ANO6: variants seen among roughly 807,000 people sequenced by gnomAD.
ANO6 encodes the protein anoctamin 6.
In ANO6, 106 loss-of-function variants were observed where a neutral mutation model predicts 117.5. The ratio of observed to expected loss-of-function variants is 0.90; its 90% CI spans 0.77 to 1.06. The LOEUF is 1.06. ANO6 is among the 50% of genes least tolerant of loss of function. ANO6 has a pLI of 0.00. For synonymous variants in ANO6, 367 were observed against 385.1 expected (o/e 0.95, Z 0.55); for missense variants, 955 against 1,121.1 (o/e 0.85, Z 2.12).
chr12:45,251,382 T>C (rs1396213730), intron 1 of ANO6, among the ~76,000 whole-genome samples: 2 of 152,172 alleles, frequency 1.3e-5, no homozygotes, highest in African/African-American at 4.8e-5. Flanking sequence ...TATTTCATAG[T>C]TTTTGCACAG....
At chr12:45,224,725 C>T (rs940602984) in intron 1 of ANO6, among the ~76,000 whole-genome samples, 4 of 152,126 alleles carry the variant, frequency 2.6e-5, no homozygotes, top group African/African-American at 4.8e-5. Context: ...TATACACACT[C>T]GTCTTTTCTC....
Position 45,229,720 on chromosome 12 carries a change from C to T in ANO6, c.70+13329C>T, listed in dbSNP as rs141928843. Among the ~76,000 whole-genome samples, 183 of 152,196 alleles carry T rather than the reference C, an allele frequency of 1.2e-3. 1 individual carries two copies. Among genetic ancestry groups the T allele is most frequent in the African/African-American group, 4.2e-3 (175 of 41,534 alleles). On this transcript the variant is annotated intron_variant, in intron 1 of 19. Coordinates refer to ENST00000320560, the MANE Select transcript of ANO6 (RefSeq NM_001025356.3). ...AGTTTTTTTAATTCTACCTCTGTCC[C>T]ATTATTTTCATCAGACAGCTTAGCC... is the stretch of plus-strand genomic sequence containing the variant.
At chr12:45,227,114 G>A (rs184904851) in intron 1 of ANO6, among the ~76,000 whole-genome samples, 410 of 150,080 alleles carry the variant, frequency 2.7e-3, no homozygotes, top group African/African-American at 9.2e-3. Flanking sequence ...TCAGGCTCCC[G>A]AGTAACTGGG....
chr12:45,432,771 A>C (rs562629518), downstream of ANO6, among the ~76,000 whole-genome samples: 4 of 152,360 alleles, frequency 2.6e-5, no homozygotes, highest in African/African-American at 9.6e-5. Flanking sequence ...CAAAACTAGA[A>C]ACGTCTTTCT....
Position 45,216,513 on chromosome 12 carries a change from C to T in ANO6, c.70+122C>T, listed in dbSNP as rs1480904388. On this transcript the variant is annotated intron_variant, in intron 1 of 19. Transcript: ENST00000320560. ...GGTTGGCCGAGACGCTCGGCCGCTC[C>T]GGGCAGGGGAGGAAGCCCGCTGTCC... 9 of 1,141,924 alleles carry T rather than the reference C, an allele frequency of 7.9e-6. No individual in the cohort carries two copies. The Admixed American group carries it at 1.3e-4, about 17-fold the overall frequency. The allele number at this position is 1,141,924 out of a possible 1,614,324, so 70.7% of individuals were successfully genotyped here. A position where few individuals can be genotyped will look rare whatever the true frequency, so the allele number is the denominator to read the frequency against.
chr12:45,271,842 G>A (rs758963499), intron 1 of ANO6, among the ~76,000 whole-genome samples: 4 of 152,280 alleles, frequency 2.6e-5, no homozygotes, highest in South Asian at 2.1e-4. Flanking sequence ...ACTGGGCCTC[G>A]TTGTAGAGTA....
At chr12:45,216,537 C>A (rs1287716803) in intron 1 of ANO6, 146 bp downstream of exon 1, 2 of 923,652 alleles carry the variant, frequency 2.2e-6, no homozygotes, top group Non-Finnish European at 3.2e-6. Context: ...AGCCCGCTGT[C>A]CCCGGCTGCT....
intron 1 of ANO6, among the ~76,000 whole-genome samples, chr12:45,251,198 G>A (rs890220782): frequency 2.0e-5 from 3 of 152,168 alleles, no homozygotes; most frequent in African/African-American, 4.8e-5. Context: ...GTTTTAACCC[G>A]ATTACTAACT....
Position 45,390,327 on chromosome 12 carries a change from AAATT to A in ANO6, c.1309-89_1309-86del, listed in dbSNP as rs1425608382. 37 of 1,073,466 alleles carry A rather than the reference AAATT, an allele frequency of 3.4e-5. No homozygotes were observed. The Admixed American group carries it at 4.3e-4, about 13-fold the overall frequency. 66.5% of individuals were successfully genotyped at this position (1,073,466 alleles called of 1,614,324 possible). On this transcript the variant is annotated intron_variant, in intron 11 of 19. Coordinates refer to ENST00000320560, the MANE Select transcript of ANO6 (RefSeq NM_001025356.3). ...ACTATGCTTGCAAACTAATTTTTTA[AAATT>A]AATTCTAAGATTTATTGGCGAGTCA...
chr12:45,268,529 A>G (rs1410136689), intron 1 of ANO6, among the ~76,000 whole-genome samples: 4 of 152,186 alleles, frequency 2.6e-5, no homozygotes, highest in Non-Finnish European at 5.9e-5. Flanking sequence ...CAAAAATTAA[A>G]TAAATAAATA....
At chr12:45,356,216 G>C (rs1191336719) in intron 7 of ANO6, among the ~76,000 whole-genome samples, 1 of 152,168 alleles carries the variant, frequency 6.6e-6, no homozygotes, top group East Asian at 1.9e-4. Flanking sequence ...AGAAGAGCTA[G>C]CTATAAGGAA....
At chr12:45,222,426 G>A (rs1267963172) in intron 1 of ANO6, among the ~76,000 whole-genome samples, 1 of 152,120 alleles carries the variant, frequency 6.6e-6, no homozygotes, top group Non-Finnish European at 1.5e-5. Context: ...CTCCCAAAGT[G>A]CTGAGCAGGC....
intron 19 of ANO6, among the ~76,000 whole-genome samples, chr12:45,427,167 A>G (rs772158334): frequency 7.2e-5 from 11 of 152,052 alleles, no homozygotes; most frequent in South Asian, 2.1e-4. Context: ...AGCACTTCAG[A>G]CCAATTGTGC....
intron 2 of ANO6, among the ~76,000 whole-genome samples, chr12:45,315,247 A>G (rs1431898618): frequency 6.6e-6 from 1 of 152,068 alleles, no homozygotes; most frequent in African/African-American, 2.4e-5. Context: ...TTATTCATGT[A>G]ATTTCAATAG....
rs866804901 is a variant in ANO6 at position 45,262,480 on chromosome 12, A to G, written c.71-39534A>G. Among the ~76,000 whole-genome samples, 48 of 151,534 alleles carry G rather than the reference A, an allele frequency of 3.2e-4. 1 individual carries two copies. Among genetic ancestry groups the G allele is most frequent in the Middle Eastern group, 6.8e-3 (2 of 294 alleles). On this transcript the variant is annotated intron_variant, in intron 1 of 19. Coordinates refer to ENST00000320560, the MANE Select transcript of ANO6 (RefSeq NM_001025356.3). ...CTCTTGTTGCCCAGGCTGGAGTGCAATGGCGCGATCTCTGGCTCACCGCAA... is the reference window on the plus strand; with the variant it reads ...CTCTTGTTGCCCAGGCTGGAGTGCAGTGGCGCGATCTCTGGCTCACCGCAA...
intron 12 of ANO6, among the ~76,000 whole-genome samples, chr12:45,391,606 G>A (rs892165022): frequency 1.1e-4 from 17 of 152,160 alleles, no homozygotes; most frequent in African/African-American, 2.7e-4. Context: ...GGTGGCTCAC[G>A]CCTGTAATCC....
At chr12:45,227,154 A>G (rs1947496363) in intron 1 of ANO6, among the ~76,000 whole-genome samples, 1 of 151,768 alleles carries the variant, frequency 6.6e-6, no homozygotes, top group Non-Finnish European at 1.5e-5. Context: ...ATGCCTGGCT[A>G]ATTTTTTGTA....
At chr12:45,248,619 A>G (rs1662112407) in intron 1 of ANO6, among the ~76,000 whole-genome samples, 1 of 151,860 alleles carries the variant, frequency 6.6e-6, no homozygotes, top group South Asian at 2.1e-4. Flanking sequence ...TTTGTAGTAG[A>G]GATGGGGTTT....
At chr12:45,294,756 C>G (rs535413655) in intron 1 of ANO6, among the ~76,000 whole-genome samples, 1 of 151,900 alleles carries the variant, frequency 6.6e-6, no homozygotes, top group Admixed American at 6.6e-5. Flanking sequence ...TGTAGTTATT[C>G]GAAAATGATT....
Sources: allele counts gnomAD v4.1 joint callset (sites outside exome capture counted in the v4.1 genomes callset), GRCh38; gene constraint gnomAD v4.1.1; transcripts MANE v1.5; gene names NCBI Gene and HGNC (gene_info 2026-07-23, HGNC 2026-07-21).